The following SMC1B variants were observed in gnomAD, a reference collection of about 807,000 sequenced individuals.
The protein encoded by SMC1B is structural maintenance of chromosomes protein 1B.
A neutral mutation model predicts 157.9 loss-of-function variants in SMC1B; 60 were observed. The observed-to-expected ratio is 0.38, with a 90% CI of 0.31 to 0.47. The LOEUF is 0.47. SMC1B is among the 20% of genes least tolerant of loss of function. The probability of loss-of-function intolerance (pLI) is 0.99; values close to 1 mark genes in which losing one functional copy is unlikely to be tolerated. For synonymous variants in SMC1B, 445 were observed against 483.0 expected, an observed-to-expected ratio of 0.92 and a Z score of 1.03; for missense variants, 1,165 against 1,426.2, an observed-to-expected ratio of 0.82 and a Z score of 2.95.
At chr22:45,408,577 C>G (rs575047578) in intron 2 of SMC1B, 133 bp downstream of exon 2, 104 of 567,734 alleles carry the variant, frequency 1.8e-4, no homozygotes, top group African/African-American at 1.7e-3. Flanking sequence ...CTGAGATATG[C>G]TATGCAAGAG....
At chr22:45,362,233 C>T (rs1039755675) in intron 16 of SMC1B, among the ~76,000 whole-genome samples, 6 of 152,210 alleles carry the variant, frequency 3.9e-5, no homozygotes, top group African/African-American at 1.4e-4. Flanking sequence ...CCTCAGCTCA[C>T]TGACTTCTGT....
At position 45,408,833 on chromosome 22, in the gene SMC1B, T is replaced by C; in HGVS notation, c.175A>G (p.Lys59Glu). Residue 59 changes from lysine to glutamate, a missense_variant, in exon 2 of 25, where the codon AAA becomes GAA. Transcript: ENST00000357450. ...MGEKIANLRV[K>E]NIQELIHGAH... Reference sequence around the variant, plus strand: ...CCATGAATGAGTTCTTGAATATTTTTCACTCTTAAATTAGCTATTTTCTCT... The same window carrying C: ...CCATGAATGAGTTCTTGAATATTTTCCACTCTTAAATTAGCTATTTTCTCT... The C allele has an allele frequency of 6.4e-7, 1 of 1,573,716 alleles. No individual in the cohort carries two copies. The highest frequency in any genetic ancestry group is 8.6e-7 in the Non-Finnish European group (1 of 1,164,754).
At chr22:45,401,174 A>C (rs2087188440) in intron 5 of SMC1B, among the ~76,000 whole-genome samples, 1 of 152,370 alleles carries the variant, frequency 6.6e-6, no homozygotes, top group African/African-American at 2.4e-5. Flanking sequence ...GATATTAATA[A>C]TAGGAGAAAC....
At chr22:45,364,673 G>A (rs1003953103) in intron 15 of SMC1B, among the ~76,000 whole-genome samples, 12 of 152,152 alleles carry the variant, frequency 7.9e-5, no homozygotes, top group Non-Finnish European at 5.9e-5. Flanking sequence ...GCTGCAGGAG[G>A]CAGACATACA....
intron 12 of SMC1B, among the ~76,000 whole-genome samples, chr22:45,376,223 T>C (rs1339422562): frequency 6.6e-6 from 1 of 152,118 alleles, no homozygotes; most frequent in African/African-American, 2.4e-5. Context: ...AACAACTCAT[T>C]CTCTCCCCTT....
At chr22:45,360,086 G>T in intron 17 of SMC1B, 128 bp from the exon 18 acceptor site, 1 of 673,094 alleles carries the variant, frequency 1.5e-6, no homozygotes, top group Non-Finnish European at 2.5e-6. Context: ...GTAAGTTCTA[G>T]AATCCTCTCA....
At position 45,345,458 on chromosome 22, in the gene SMC1B, C is replaced by T. The variant is rs1327267723; in HGVS notation, c.3606+1G>A. On this transcript the variant is annotated splice_donor_variant, in intron 24 of 24. Transcript: ENST00000357450. LOFTEE classifies it high-confidence loss of function. The stretch of plus-strand genomic sequence containing the variant: ...TCCTCTCGCCTCTGATTTGTCTTTA[C>T]CTCAGGATAGATGCCGATCAGCGCG... 1 of 1,603,706 alleles carries T rather than the reference C, an allele frequency of 6.2e-7. No individual in the cohort carries two copies. Among genetic ancestry groups the T allele is most frequent in the African/African-American group, 1.3e-5 (1 of 74,702 alleles).
At chr22:45,369,115 T>TG (rs1234226548) in intron 15 of SMC1B, among the ~76,000 whole-genome samples, 3 of 152,188 alleles carry the variant, frequency 2.0e-5, no homozygotes, top group Non-Finnish European at 4.4e-5. Flanking sequence ...TTTTTTTTTT[T>TG]GAGACGGAAT....
chr22:45,406,361 A>G (rs2087259535), intron 4 of SMC1B, 99 bp downstream of exon 4: 1 of 913,538 alleles, frequency 1.1e-6, no homozygotes, highest in Admixed American at 2.8e-5. Context: ...TTATACTATT[A>G]AATTAATCTT....
intron 22 of SMC1B, among the ~76,000 whole-genome samples, chr22:45,352,244 A>C (rs965806185): frequency 1.3e-5 from 2 of 152,108 alleles, no homozygotes; most frequent in Non-Finnish European, 2.9e-5. Flanking sequence ...AACCCCACTA[A>C]AAATCTAAGA....
intron 19 of SMC1B, among the ~76,000 whole-genome samples, chr22:45,355,525 C>T (rs1324400992): frequency 1.3e-5 from 2 of 152,138 alleles, no homozygotes; most frequent in Non-Finnish European, 1.5e-5. Flanking sequence ...CACTCTGTTG[C>T]TCAGGCTGGT....
At chr22:45,346,770 T>C (rs1220955237) in intron 23 of SMC1B, among the ~76,000 whole-genome samples, 1 of 151,994 alleles carries the variant, frequency 6.6e-6, no homozygotes, top group Admixed American at 6.5e-5. Flanking sequence ...AGGGCATGCG[T>C]TTTTCCTGGA....
At chr22:45,396,726 T>A (rs894886580) in intron 6 of SMC1B, among the ~76,000 whole-genome samples, 1 of 152,036 alleles carries the variant, frequency 6.6e-6, no homozygotes, top group Non-Finnish European at 1.5e-5. Flanking sequence ...TTATTTATTT[T>A]TATTTTGCCC....
intron 7 of SMC1B, 133 bp downstream of exon 7, chr22:45,396,213 G>T: frequency 2.7e-6 from 2 of 740,022 alleles, no homozygotes; most frequent in Non-Finnish European, 2.0e-6. Context: ...ATCTTCATCT[G>T]CCAAATCATG....
intron 1 of SMC1B, among the ~76,000 whole-genome samples, chr22:45,411,653 G>C (rs6007024): frequency 0.61 from 92,691 of 151,736 alleles, 30,291 homozygotes; most frequent in African/African-American, 0.85. Flanking sequence ...GTGGCGTGAT[G>C]TCAGCTCACT....
chr22:45,370,155 G>A, intron 14 of SMC1B, 95 bp from the exon 15 acceptor site: 3 of 643,892 alleles, frequency 4.7e-6, no homozygotes, highest in East Asian at 6.6e-5. Context: ...TCCTGAATTA[G>A]GCCAAAAACT....
Position 45,354,017 on chromosome 22 carries a change from A to T in SMC1B, c.3234T>A (p.Asp1078Glu), listed in dbSNP as rs2086644601. 6.3e-7 allele frequency: 1 copy of T among 1,592,844 alleles called. No homozygotes were observed. The highest frequency in any genetic ancestry group is 8.5e-7 in the Non-Finnish European group (1 of 1,171,776). Residue 1078 changes from aspartate (D) to glutamate (E), a missense_variant, in exon 21 of 25, where the codon GAT becomes GAA. Physicochemically the swap from Asp to Glu is conservative, Grantham distance 45. Transcript: ENST00000357450. ...TTCTGCAGAGCTTCTTGTAGATTTG[A>T]TCAATTGAGATTGAGACATGCTCAA... ...QCFEHVSISI[D>E]QIYKKLCRNN...
chr22:45,375,515 A>G (rs773409852), intron 12 of SMC1B, among the ~76,000 whole-genome samples: 2 of 152,238 alleles, frequency 1.3e-5, no homozygotes, highest in African/African-American at 2.4e-5. Flanking sequence ...TTGAATAGTG[A>G]TAACAGATAA....
rs558481433 is a variant in SMC1B, at chr22:45,401,180, G to C, written c.854+1153C>G. On this transcript the variant is annotated intron_variant, in intron 5 of 24. Transcript: ENST00000357450. The stretch of plus-strand genomic sequence containing the variant: ...ATAATGTAAGATATTAATAATAGGA[G>C]AAACTGAGTGTTGGGAATATGGGAC... 9.8e-5 allele frequency among the ~76,000 whole-genome samples: 15 copies of C among 152,290 alleles called. 1 individual carries two copies. In the South Asian group the frequency reaches 3.1e-3, roughly 32 times the overall value.
Sources: allele counts gnomAD v4.1 joint callset (sites outside exome capture counted in the v4.1 genomes callset), GRCh38; gene constraint gnomAD v4.1.1; transcripts MANE v1.5; gene names NCBI Gene and HGNC (gene_info 2026-07-23, HGNC 2026-07-21).